LONP2: variants seen among roughly 807,000 people sequenced by gnomAD.
The protein encoded by LONP2 is lon peptidase 2, peroxisomal.
In LONP2, 60 loss-of-function variants were observed where a neutral mutation model predicts 85.6. The observed-to-expected ratio is 0.70, with a 90% CI of 0.57 to 0.87. LONP2 has a LOEUF of 0.87. Among genes scored for constraint, LONP2 ranks in the 40% least tolerant of loss-of-function variants. The probability of loss-of-function intolerance (pLI) is 0.00; values close to 1 mark genes in which losing one functional copy is unlikely to be tolerated. For synonymous variants in LONP2, 395 were observed against 389.7 expected, an observed-to-expected ratio of 1.01 and a Z score of -0.16; for missense variants, 860 against 1,063.5, an observed-to-expected ratio of 0.81 and a Z score of 2.66.
At position 48,347,988 on chromosome 16, in the gene LONP2, T is replaced by C. The variant is rs142926725; in HGVS notation, c.2147-112T>C. ...CCAAATTGTACTGTCCACCAATATT[T>C]TGAAGAATTCATTTACCCAAAACAT... On this transcript the variant is annotated intron_variant, in intron 13 of 14. Coordinates refer to ENST00000285737, the MANE Select transcript of LONP2 (RefSeq NM_031490.5). 4.4e-4 allele frequency: 442 copies of C among 1,008,790 alleles called. 1 individual carries two copies. In the African/African-American group the frequency reaches 6.5e-3, roughly 15 times the overall value. 62.5% of individuals were successfully genotyped at this position (1,008,790 alleles called of 1,614,324 possible).
At chr16:48,277,221 G>T in intron 7 of LONP2, 117 bp from the exon 8 acceptor site, 1 of 883,360 alleles carries the variant, frequency 1.1e-6, no homozygotes, top group Non-Finnish European at 1.7e-6. Context: ...GTACCTCTTT[G>T]CTATATTATA....
intron 7 of LONP2, among the ~76,000 whole-genome samples, chr16:48,275,105 T>C (rs1456902465): frequency 6.6e-6 from 1 of 152,190 alleles, no homozygotes; most frequent in African/African-American, 2.4e-5. Context: ...AAGTAAACTT[T>C]AAGTAGCTGT....
intron 11 of LONP2, among the ~76,000 whole-genome samples, chr16:48,332,698 G>A (rs13333269): frequency 0.024 from 3,594 of 151,374 alleles, 130 homozygotes; most frequent in African/African-American, 0.081. Context: ...GTGACACAGC[G>A]AGACTCCATC....
intron 7 of LONP2, among the ~76,000 whole-genome samples, chr16:48,276,506 A>G (rs1000088400): frequency 3.9e-5 from 6 of 152,198 alleles, no homozygotes; most frequent in Admixed American, 3.3e-4. Flanking sequence ...TTGCTGCTTT[A>G]AGTTTTGCTG....
intron 12 of LONP2, chr16:48,344,264 A>C (rs1959899970): frequency 6.6e-6 from 1 of 152,188 alleles, no homozygotes; most frequent in African/African-American, 2.4e-5. Flanking sequence ...ACACGTCCTT[A>C]AAGAATATGA....
chr16:48,334,539 G>C (rs1959579272), intron 12 of LONP2, 181 bp downstream of exon 12: 1 of 743,958 alleles, frequency 1.3e-6, no homozygotes, highest in Non-Finnish European at 2.4e-6. Context: ...TTGACTGCAT[G>C]GGGGCGCAGG....
At chr16:48,248,325 C>T (rs1019898140) in intron 1 of LONP2, among the ~76,000 whole-genome samples, 6 of 150,442 alleles carry the variant, frequency 4.0e-5, no homozygotes, top group African/African-American at 1.5e-4. Context: ...GGGGTTTTGC[C>T]ATGTTGCGCA....
downstream of LONP2, chr16:48,361,834 A>G: frequency 6.2e-7 from 1 of 1,614,162 alleles, no homozygotes; most frequent in Non-Finnish European, 8.5e-7. Flanking sequence ...TGACCATCGT[A>G]TTTTTCCTGT....
At chr16:48,291,631 G>A (rs1032952681) in intron 8 of LONP2, among the ~76,000 whole-genome samples, 1 of 152,190 alleles carries the variant, frequency 6.6e-6, no homozygotes, top group Non-Finnish European at 1.5e-5. Context: ...GGAGAATAAA[G>A]GAGAAACAGC....
intron 8 of LONP2, among the ~76,000 whole-genome samples, chr16:48,291,396 C>G (rs1972554277): frequency 1.3e-5 from 2 of 152,210 alleles, no homozygotes; most frequent in South Asian, 4.1e-4. Context: ...GTAATGAACT[C>G]TATGTAATCT....
At chr16:48,329,883 G>C (rs1459199931) in intron 11 of LONP2, among the ~76,000 whole-genome samples, 5 of 152,188 alleles carry the variant, frequency 3.3e-5, no homozygotes, top group Non-Finnish European at 1.5e-5. Flanking sequence ...TTGGATCTAA[G>C]TTTTGCTGTT....
intron 8 of LONP2, among the ~76,000 whole-genome samples, chr16:48,290,210 G>T (rs147458239): frequency 4.8e-4 from 73 of 152,020 alleles, no homozygotes; most frequent in African/African-American, 1.6e-3. Flanking sequence ...TCTATGTCCT[G>T]AACACTTTTC....
rs1960207958 is a variant in LONP2 at position 48,353,285 on chromosome 16, C to A, written c.*1483C>A. ...CTTTAGGAAATCGAGGCGAGTGGAT[C>A]ACTTAAGCTCAGGAGTTCAAGGCCA... On this transcript the variant is annotated 3_prime_UTR_variant, in exon 15 of 15. Transcript: ENST00000285737. 1 of 151,610 alleles carries A rather than the reference C, an allele frequency of 6.6e-6. No individual in the cohort carries two copies. The highest frequency in any genetic ancestry group is 1.5e-5 in the Non-Finnish European group (1 of 67,934). The allele number at this position is 151,610 out of a possible 1,614,324, so 9.4% of individuals were successfully genotyped here. A position where few individuals can be genotyped will look rare whatever the true frequency, so the allele number is the denominator to read the frequency against.
At chr16:48,292,787 C>T (rs1972582981) in intron 8 of LONP2, among the ~76,000 whole-genome samples, 1 of 152,194 alleles carries the variant, frequency 6.6e-6, no homozygotes, top group African/African-American at 2.4e-5. Flanking sequence ...TTTTTCTGTC[C>T]ATAAATATTA....
At chr16:48,335,602 T>G (rs1188153340) in intron 12 of LONP2, among the ~76,000 whole-genome samples, 1 of 152,238 alleles carries the variant, frequency 6.6e-6, no homozygotes, top group Non-Finnish European at 1.5e-5. Flanking sequence ...GAAAAAATAT[T>G]TTCAGAAAAT....
chr16:48,358,134 A>G (rs1960443417), downstream of LONP2, among the ~76,000 whole-genome samples: 1 of 152,226 alleles, frequency 6.6e-6, no homozygotes, highest in South Asian at 2.1e-4. Flanking sequence ...TAGGCTAAGA[A>G]TATGAAGACC....
intron 9 of LONP2, among the ~76,000 whole-genome samples, chr16:48,297,376 T>C (rs549072218): frequency 6.6e-6 from 1 of 152,222 alleles, no homozygotes; most frequent in South Asian, 2.1e-4. Context: ...AGTGGCACAA[T>C]CTTGGCTCAC....
intron 11 of LONP2, among the ~76,000 whole-genome samples, chr16:48,326,417 C>A (rs1023433010): frequency 2.0e-5 from 3 of 152,102 alleles, no homozygotes; most frequent in African/African-American, 7.2e-5. Context: ...GTTCCTGTTA[C>A]CAGAAAATTT....
chr16:48,314,263 C>G (rs79077275), intron 11 of LONP2, among the ~76,000 whole-genome samples: 1 of 151,936 alleles, frequency 6.6e-6, no homozygotes, highest in African/African-American at 2.4e-5. Context: ...TGTCTGTTCA[C>G]TCTGATGATA....
Sources: allele counts gnomAD v4.1 joint callset (sites outside exome capture counted in the v4.1 genomes callset), GRCh38; gene constraint gnomAD v4.1.1; transcripts MANE v1.5; gene names NCBI Gene and HGNC (gene_info 2026-07-23, HGNC 2026-07-21).